PLSCR2: variants seen among roughly 807,000 people sequenced by gnomAD.
PLSCR2 encodes PL scramblase 2.
Under a neutral mutation model 25.3 loss-of-function variants are expected in PLSCR2, and 18 were observed. That is an observed-to-expected ratio of 0.71 (90% CI 0.49 to 1.06). The LOEUF is 1.06. PLSCR2 is among the 50% of genes least tolerant of loss of function. PLSCR2 has a pLI of 0.00. For missense variants in PLSCR2, 243 were observed against 269.5 expected, an observed-to-expected ratio of 0.90 and a Z score of 0.69; for synonymous variants, 88 against 87.3, an observed-to-expected ratio of 1.01 and a Z score of -0.04.
At chr3:146,468,845 C>T (rs2041982937) in intron 1 of PLSCR2, among the ~76,000 whole-genome samples, 1 of 152,184 alleles carries the variant, frequency 6.6e-6, no homozygotes, top group Non-Finnish European at 1.5e-5. Flanking sequence ...CCCAATGTGC[C>T]AAATTTCAGT....
intron 6 of PLSCR2, among the ~76,000 whole-genome samples, chr3:146,444,669 G>A (rs1222826945): frequency 6.6e-6 from 1 of 151,642 alleles, no homozygotes; most frequent in Non-Finnish European, 1.5e-5. Flanking sequence ...TTTCTTGAGG[G>A]CAACAGGTAG....
At chr3:146,434,084 T>C (rs749070067) in intron 8 of PLSCR2, among the ~76,000 whole-genome samples, 6 of 152,196 alleles carry the variant, frequency 3.9e-5, no homozygotes, top group Non-Finnish European at 8.8e-5. Context: ...TTTCTAACAC[T>C]GGTACAGTTT....
chr3:146,454,741 T>C (rs1202361503), intron 4 of PLSCR2, among the ~76,000 whole-genome samples: 1 of 152,180 alleles, frequency 6.6e-6, no homozygotes, highest in Non-Finnish European at 1.5e-5. Flanking sequence ...GACATAGATA[T>C]GTACGTTTTT....
intron 1 of PLSCR2, among the ~76,000 whole-genome samples, chr3:146,486,168 G>C (rs768516543): frequency 6.6e-6 from 1 of 152,150 alleles, no homozygotes; most frequent in African/African-American, 2.4e-5. Context: ...AGCTAAAGCC[G>C]TGTTAAGAGG....
chr3:146,393,808 C>CA (rs71849356), intron 3 of PLSCR2, among the ~76,000 whole-genome samples: 1,506 of 123,640 alleles, frequency 0.012, 31 homozygotes, highest in African/African-American at 0.038. Flanking sequence ...GACTCCGTCT[C>CA]AAAAAAAAAA....
At chr3:146,444,487 CA>C (rs2040427807) in intron 6 of PLSCR2, among the ~76,000 whole-genome samples, 1 of 151,768 alleles carries the variant, frequency 6.6e-6, no homozygotes, top group African/African-American at 2.4e-5. Flanking sequence ...CATCTTCTTG[CA>C]AAATTGACCC....
intron 2 of PLSCR2, among the ~76,000 whole-genome samples, chr3:146,427,619 T>C (rs550883346): frequency 6.6e-6 from 1 of 152,220 alleles, no homozygotes; most frequent in Non-Finnish European, 1.5e-5. Flanking sequence ...CCAAGTTCTT[T>C]CCTCTGTCTA....
chr3:146,485,767 TA>T (rs1310016388), intron 1 of PLSCR2, among the ~76,000 whole-genome samples: 2 of 152,086 alleles, frequency 1.3e-5, no homozygotes, highest in African/African-American at 4.8e-5. Flanking sequence ...GGGCAATTTA[TA>T]AAAGAGGTTT....
chr3:146,425,861 T>C (rs1472390572), intron 2 of PLSCR2, among the ~76,000 whole-genome samples: 2 of 152,136 alleles, frequency 1.3e-5, no homozygotes, highest in African/African-American at 2.4e-5. Context: ...ATTTTTGTTA[T>C]ATAATGGCAG....
chr3:146,426,202 C>T (rs887474665), intron 2 of PLSCR2, among the ~76,000 whole-genome samples: 5 of 148,448 alleles, frequency 3.4e-5, no homozygotes. Context: ...TCCTTCCCTC[C>T]TTCCTTCCCT....
chr3:146,483,509 A>ATACACGTGTAT (rs1553791539), intron 1 of PLSCR2, among the ~76,000 whole-genome samples: 2 of 127,074 alleles, frequency 1.6e-5, no homozygotes, highest in Non-Finnish European at 3.3e-5. Flanking sequence ...ATATATATAT[A>ATACACGTGTAT]ATGTTACTAC....
At chr3:146,447,201 T>A (rs2040603953) in intron 6 of PLSCR2, among the ~76,000 whole-genome samples, 1 of 152,186 alleles carries the variant, frequency 6.6e-6, no homozygotes, top group African/African-American at 2.4e-5. Context: ...GCCAAGCTGG[T>A]ATACAAGCTG....
intron 2 of PLSCR2, among the ~76,000 whole-genome samples, chr3:146,402,884 A>G (rs948757407): frequency 5.3e-5 from 8 of 152,340 alleles, no homozygotes; most frequent in African/African-American, 1.9e-4. Context: ...CAACACATAT[A>G]AAATGTACAC....
At chr3:146,429,620 AATTT>A (rs908140708), downstream of PLSCR2, among the ~76,000 whole-genome samples, 25 of 150,718 alleles carry the variant, frequency 1.7e-4, no homozygotes, top group Admixed American at 1.3e-4. Flanking sequence ...TTAAAATTGG[AATTT>A]ATTTATTTAT....
chr3:146,403,558 T>C (rs1413294018), intron 2 of PLSCR2, among the ~76,000 whole-genome samples: 1 of 152,208 alleles, frequency 6.6e-6, no homozygotes, highest in African/African-American at 2.4e-5. Flanking sequence ...TTTTGCTGTT[T>C]TTGTGACTTC....
At chr3:146,392,447 T>C (rs144379593) in intron 3 of PLSCR2, among the ~76,000 whole-genome samples, 1 of 152,090 alleles carries the variant, frequency 6.6e-6, no homozygotes, top group Non-Finnish European at 1.5e-5. Context: ...AGACGCTTTC[T>C]TAAGTTTAGT....
At chr3:146,458,273 G>T (rs761847879) in intron 3 of PLSCR2, 138 bp downstream of exon 3, 2 of 698,662 alleles carry the variant, frequency 2.9e-6, no homozygotes, top group South Asian at 2.3e-5. Flanking sequence ...TTTCATTATT[G>T]TAAAGACAGA....
chr3:146,478,705 C>A (rs1292809779), intron 1 of PLSCR2, among the ~76,000 whole-genome samples: 1 of 152,172 alleles, frequency 6.6e-6, no homozygotes, highest in African/African-American at 2.4e-5. Context: ...CCCAACCTAG[C>A]AAGGCAGGCC....
chr3:146,454,152 T>C (rs753133877), exon 5 of PLSCR2: 28 of 1,584,476 alleles, frequency 1.8e-5, no homozygotes, highest in Non-Finnish European at 1.7e-5. Context: ...CAGGAGGAGC[T>C]TGGATTTCTA....
Sources: gnomAD v4.1 joint callset for allele counts (sites outside exome capture counted in the v4.1 genomes callset) on GRCh38, gnomAD v4.1.1 for gene constraint, MANE v1.5 for transcripts, NCBI Gene and HGNC (gene_info 2026-07-23, HGNC 2026-07-21) for gene names.